The following HIVEP2 variants were observed in gnomAD, a reference collection of about 807,000 sequenced individuals.
HIVEP2 encodes the protein HIVEP zinc finger 2, also known as transcription factor HIVEP2.
HIVEP2 carries 14 observed loss-of-function variants against 180.7 expected under a neutral mutation model. The ratio of observed to expected loss-of-function variants is 0.08; its 90% CI spans 0.05 to 0.12. The LOEUF is 0.12. Ranked by LOEUF, HIVEP2 falls within the 10% of genes least tolerant of loss-of-function variation. HIVEP2 has a pLI of 1.00. For synonymous variants in HIVEP2, 1,184 were observed against 1,136.4 expected (o/e 1.04, Z -0.84); for missense variants, 2,579 against 3,008.5 (o/e 0.86, Z 3.34).
Position 142,760,435 on chromosome 6 carries a change from G to T in HIVEP2, c.5853C>A (p.Gly1951=). 1 of 1,614,106 alleles carries T rather than the reference G, an allele frequency of 6.2e-7. No homozygotes were observed. Among genetic ancestry groups the T allele is most frequent in the Non-Finnish European group, 8.5e-7 (1 of 1,180,004 alleles). The change falls in exon 9 of 10, where the codon GGC becomes GGA. Residue 1951 remains glycine (G), a synonymous_variant. Transcript: ENST00000367603. ...PRFSSLPVNV[G]AVPHGVPSDS... is the part of the protein sequence containing the mutation. The stretch of plus-strand genomic sequence containing the variant: ...CTGAAGGAACCCCGTGGGGTACGGC[G>T]CCAACATTCACAGGCAAGGAGGAGA...
intron 1 of HIVEP2, among the ~76,000 whole-genome samples, chr6:142,918,724 T>C (rs1182523529): frequency 6.6e-6 from 1 of 152,254 alleles, no homozygotes; most frequent in African/African-American, 2.4e-5. Flanking sequence ...CATGTAATTT[T>C]TTGAAGACAA....
chr6:142,770,851 C>T lies in HIVEP2; in HGVS notation c.3888G>A (p.Lys1296=), dbSNP rs1298641787. 2.5e-6 allele frequency: 4 copies of T among 1,614,212 alleles called. No individual in the cohort carries two copies. The highest frequency in any genetic ancestry group is 1.7e-5 in the Admixed American group (1 of 60,026). The change falls in exon 5 of 10, where the codon AAG becomes AAA. Residue 1296 remains lysine, a synonymous_variant. Transcript: ENST00000367603. This position sits in a 1 kb window ranked among gnomAD's most constrained non-coding sequence, Gnocchi z 4.7. ...SGLHPKNLLP[K]FPSDQSSKST... ...ACTTACTGCTCTGGTCTGATGGAAACTTTGGAAGAAGGTTCTTTGGGTGTA... is the reference window on the plus strand; with the variant it reads ...ACTTACTGCTCTGGTCTGATGGAAATTTTGGAAGAAGGTTCTTTGGGTGTA...
chr6:142,936,932 T>C (rs1446325073), intron 1 of HIVEP2, among the ~76,000 whole-genome samples: 2 of 152,066 alleles, frequency 1.3e-5, no homozygotes, highest in Non-Finnish European at 2.9e-5. Flanking sequence ...AATTAATAAA[T>C]TTTTTTAGAA....
intron 1 of HIVEP2, among the ~76,000 whole-genome samples, chr6:142,843,419 G>T (rs1415907172): frequency 1.3e-5 from 2 of 152,200 alleles, no homozygotes; most frequent in Admixed American, 1.3e-4. Context: ...AAGGATAATA[G>T]GAGTTGAGAA....
At chr6:142,919,593 T>C (rs996243200) in intron 1 of HIVEP2, among the ~76,000 whole-genome samples, 2 of 152,204 alleles carry the variant, frequency 1.3e-5, no homozygotes, top group Admixed American at 6.5e-5. Context: ...TGGGTAAGTT[T>C]ATCATTATTC....
intron 1 of HIVEP2, among the ~76,000 whole-genome samples, chr6:142,910,525 C>T (rs988109962): frequency 6.6e-6 from 1 of 152,194 alleles, no homozygotes; most frequent in Non-Finnish European, 1.5e-5. Context: ...TTGTTTGAAC[C>T]CGGCAGGCAG....
At chr6:142,853,210 T>G (rs1775734770) in intron 1 of HIVEP2, among the ~76,000 whole-genome samples, 1 of 152,190 alleles carries the variant, frequency 6.6e-6, no homozygotes, top group Non-Finnish European at 1.5e-5. Context: ...ATCTATTTTT[T>G]TTTCCACATC....
chr6:142,898,274 G>A (rs1022494203), intron 1 of HIVEP2, among the ~76,000 whole-genome samples: 1 of 152,136 alleles, frequency 6.6e-6, no homozygotes, highest in Non-Finnish European at 1.5e-5. Flanking sequence ...GTGATAAACT[G>A]GAGAAGTAAA....
chr6:142,921,238 A>T (rs1461259129), intron 1 of HIVEP2, among the ~76,000 whole-genome samples: 2 of 152,222 alleles, frequency 1.3e-5, no homozygotes, highest in African/African-American at 4.8e-5. Flanking sequence ...CAAAAAAATA[A>T]AAAGTTTAAA....
At chr6:142,870,173 C>T (rs1771602289) in intron 1 of HIVEP2, among the ~76,000 whole-genome samples, 3 of 151,868 alleles carry the variant, frequency 2.0e-5, no homozygotes, top group Admixed American at 2.0e-4. Flanking sequence ...GGGTTCAGCA[C>T]CAAAGGTTAT....
intron 4 of HIVEP2, among the ~76,000 whole-genome samples, chr6:142,775,817 G>C (rs961071184): frequency 7.7e-6 from 1 of 130,494 alleles, no homozygotes; most frequent in African/African-American, 3.1e-5. Context: ...CCTGGCGACA[G>C]AGCGAGACTC....
At position 142,915,095 on chromosome 6, in the gene HIVEP2, G is replaced by A. The variant is rs191406900; in HGVS notation, c.-641+30004C>T. Among the ~76,000 whole-genome samples the A allele has an allele frequency of 7.9e-3, 1,203 of 152,256 alleles. 8 individuals carry two copies. Among genetic ancestry groups the A allele is most frequent in the Admixed American group, 0.014 (210 of 15,290 alleles). ...ACAATAATATTAAAATATTGTGTAAGAATGGGAACTGGGTCATGATTGTCA... is the reference window on the plus strand; with the variant it reads ...ACAATAATATTAAAATATTGTGTAAAAATGGGAACTGGGTCATGATTGTCA... On this transcript the variant is annotated intron_variant, in intron 1 of 9. Coordinates refer to ENST00000367603, the MANE Select transcript of HIVEP2 (RefSeq NM_006734.4).
At chr6:142,766,605 C>T (rs1775385434) in intron 6 of HIVEP2, among the ~76,000 whole-genome samples, 1 of 152,090 alleles carries the variant, frequency 6.6e-6, no homozygotes, top group Admixed American at 6.5e-5. Context: ...TATCATCAAG[C>T]AGTATAATTT....
intron 2 of HIVEP2, among the ~76,000 whole-genome samples, chr6:142,805,166 T>C (rs986798811): frequency 5.9e-5 from 9 of 152,036 alleles, no homozygotes; most frequent in African/African-American, 2.2e-4. Flanking sequence ...AGTAATTACA[T>C]GGGCTGGCAA....
chr6:142,756,690 A>T (rs1228089065), intron 9 of HIVEP2, among the ~76,000 whole-genome samples: 1 of 149,952 alleles, frequency 6.7e-6, no homozygotes, highest in African/African-American at 2.5e-5. Flanking sequence ...TATCAAAAAA[A>T]AAAAGATAAG....
chr6:142,788,330 A>C (rs931689555), intron 2 of HIVEP2: 1 of 152,170 alleles, frequency 6.6e-6, no homozygotes, highest in Non-Finnish European at 1.5e-5. Flanking sequence ...CCCCCTCAAA[A>C]AAAAGACATT....
chr6:142,905,446 T>C (rs1255471156), intron 1 of HIVEP2, among the ~76,000 whole-genome samples: 1 of 152,210 alleles, frequency 6.6e-6, no homozygotes. Flanking sequence ...TTTAAAAATG[T>C]ACTATTACTT....
intron 1 of HIVEP2, among the ~76,000 whole-genome samples, chr6:142,932,573 A>C (rs1777965299): frequency 6.6e-6 from 1 of 152,240 alleles, no homozygotes; most frequent in Non-Finnish European, 1.5e-5. Flanking sequence ...GTCTAGTTGA[A>C]AGAACTGGGA....
chr6:142,862,870 T>C (rs1190077462), intron 1 of HIVEP2, among the ~76,000 whole-genome samples: 1 of 131,338 alleles, frequency 7.6e-6, no homozygotes, highest in East Asian at 2.1e-4. Flanking sequence ...TATATAAATA[T>C]CTATTATATG....
Sources: allele counts gnomAD v4.1 joint callset (sites outside exome capture counted in the v4.1 genomes callset), GRCh38; gene constraint gnomAD v4.1.1; non-coding constraint Gnocchi (gnomAD v3.1); transcripts MANE v1.5; gene names NCBI Gene and HGNC (gene_info 2026-07-23, HGNC 2026-07-21).